The following ZNF518A variants were observed in gnomAD, a reference collection of about 807,000 sequenced individuals.
ZNF518A encodes the protein zinc finger protein 518.
ZNF518A carries 47 observed loss-of-function variants against 102.7 expected under a neutral mutation model. That is an observed-to-expected ratio of 0.46 (90% confidence interval 0.36 to 0.58). The LOEUF (loss-of-function observed/expected upper bound fraction) is 0.58. Ranked by LOEUF, ZNF518A falls within the 20% of genes least tolerant of loss-of-function variation. The pLI is 0.00. For missense variants in ZNF518A, 1,793 were observed against 1,699.8 expected (o/e 1.05, Z -0.96); for synonymous variants, 652 against 594.6 (o/e 1.10, Z -1.40).
At chr10:96,151,370 T>A (rs2082442382) in intron 3 of ZNF518A, 1 of 152,258 alleles carries the variant, frequency 6.6e-6, no homozygotes, top group Non-Finnish European at 1.5e-5. Flanking sequence ...GTAGGAAGAT[T>A]CGTCTTTGTT....
intron 1 of ZNF518A, chr10:96,199,372 T>A: frequency 3.6e-6 from 1 of 280,794 alleles, no homozygotes; most frequent in Admixed American, 3.8e-5. Flanking sequence ...TTTGTTTGTT[T>A]GTTTGCCATC....
chr10:96,190,012 C>A, intron 1 of ZNF518A: 1 of 809,140 alleles, frequency 1.2e-6, no homozygotes, highest in South Asian at 1.3e-5. Flanking sequence ...TTTAATTGGA[C>A]TGCCTTCATA....
chr10:96,164,983 A>C (rs1554889811), downstream of ZNF518A, among the ~76,000 whole-genome samples: 1 of 152,226 alleles, frequency 6.6e-6, no homozygotes, highest in Non-Finnish European at 1.5e-5. Context: ...AAGCAAAATG[A>C]AAGTTAAATT....
At position 96,158,925 on chromosome 10, in the gene ZNF518A, T is replaced by A. The variant is rs377737816; in HGVS notation, c.2603T>A (p.Ile868Lys). ...KFGKEKQVSS[I>K]PQDVRDSEKM... is the part of the protein sequence containing the mutation. ...GGAAAAGAAAAACAAGTGTCATCAA[T>A]ACCACAAGATGTGAGAGATTCAGAG... The change falls in exon 6 of 6, where the codon ATA (isoleucine) becomes AAA (lysine). Residue 868 changes from isoleucine to lysine, a missense_variant. Ile to Lys is a moderately radical substitution (Grantham distance 102). Transcript: ENST00000316045. The A allele has an allele frequency of 1.9e-6, 3 of 1,613,558 alleles. No homozygotes were observed. The highest frequency in any genetic ancestry group is 2.5e-6 in the Non-Finnish European group (3 of 1,179,722).
chr10:96,151,041 G>C (rs1269731420), intron 3 of ZNF518A, among the ~76,000 whole-genome samples: 1 of 151,982 alleles, frequency 6.6e-6, no homozygotes, highest in African/African-American at 2.4e-5. Flanking sequence ...GTGTGAGCCA[G>C]CACTCCCAGC....
chr10:96,168,465 G>A (rs1358886670), downstream of ZNF518A, among the ~76,000 whole-genome samples: 2 of 148,250 alleles, frequency 1.3e-5, no homozygotes, highest in Admixed American at 6.7e-5. Context: ...ATGTGAGTTC[G>A]AGTTACTGTC....
chr10:96,188,697 T>C (rs2083286995), intron 1 of ZNF518A, among the ~76,000 whole-genome samples: 1 of 152,168 alleles, frequency 6.6e-6, no homozygotes, highest in African/African-American at 2.4e-5. Flanking sequence ...TCAATGGTTT[T>C]CCTAAAAGGA....
chr10:96,175,636 G>T (rs148038321), intron 1 of ZNF518A, among the ~76,000 whole-genome samples: 16 of 152,236 alleles, frequency 1.1e-4, no homozygotes, highest in African/African-American at 3.6e-4. Flanking sequence ...GTTATAGAGA[G>T]TCTCAGATTG....
In ZNF518A at chr10:96,157,934, A is replaced by G. The variant is rs1261147206; in HGVS notation, c.1612A>G (p.Asn538Asp). ...EKEMTLISQR[N>D]NMLQTMDYEK... ...AGAAATGACTTTGATATCTCAAAGG[A>G]ATAATATGCTTCAAACAATGGATTA... Residue 538 changes from asparagine to aspartate, a missense_variant, in exon 6 of 6, where the codon AAT becomes GAT. Physicochemically the swap from Asn to Asp is conservative, Grantham distance 23. This residue lies in a region of ZNF518A where 1,741 missense variants were observed against 1,622.6 expected (regional missense o/e 1.07). Transcript: ENST00000316045. 7 of 1,613,734 alleles carry G rather than the reference A, an allele frequency of 4.3e-6. No homozygotes were observed. Among genetic ancestry groups the G allele is most frequent in the Admixed American group, 1.7e-5 (1 of 60,004 alleles).
intron 1 of ZNF518A, among the ~76,000 whole-genome samples, chr10:96,180,866 G>GGGA (rs1223820827): frequency 6.6e-6 from 1 of 152,150 alleles, no homozygotes; most frequent in African/African-American, 2.4e-5. Flanking sequence ...ACCCAGTAAT[G>GGGA]TGATGGCTGG....
chr10:96,177,116 G>A (rs993049039), intron 1 of ZNF518A, among the ~76,000 whole-genome samples: 1 of 150,484 alleles, frequency 6.6e-6, no homozygotes. Context: ...CTGAAAGCAA[G>A]TTATAAAAAA....
chr10:96,184,536 G>T (rs1169393275), intron 1 of ZNF518A, among the ~76,000 whole-genome samples: 9 of 152,126 alleles, frequency 5.9e-5, no homozygotes, highest in African/African-American at 1.9e-4. Context: ...GTCTGTAAAG[G>T]ATTTTATTTC....
At chr10:96,149,273 C>T (rs1378399513) in intron 3 of ZNF518A, among the ~76,000 whole-genome samples, 1 of 152,144 alleles carries the variant, frequency 6.6e-6, no homozygotes, top group Non-Finnish European at 1.5e-5. Flanking sequence ...AGGAGCATTG[C>T]TGTCGCCTAG....
downstream of ZNF518A, chr10:96,204,439 C>A: frequency 2.9e-6 from 4 of 1,380,954 alleles, no homozygotes; most frequent in Non-Finnish European, 3.1e-6. Flanking sequence ...TTACCTAGCA[C>A]TGCAAGTCAG....
At position 96,159,358 on chromosome 10, in the gene ZNF518A, T is replaced by G; in HGVS notation, c.3036T>G (p.Pro1012=). ...TGACTAAGGAGCCTTGCAAAACACC[T>G]ATTTTGAAGGTAGAACCAAACAATA... The part of the protein sequence containing the change: ...GTVTKEPCKT[P]ILKVEPNNNC... Residue 1012 remains proline, a synonymous_variant, in exon 6 of 6, where the codon CCT becomes CCG. Transcript: ENST00000316045. 6.2e-7 allele frequency: 1 copy of G among 1,613,798 alleles called. No individual in the cohort carries two copies. The highest frequency in any genetic ancestry group is 8.5e-7 in the Non-Finnish European group (1 of 1,179,760).
intron 1 of ZNF518A, among the ~76,000 whole-genome samples, chr10:96,187,602 C>A (rs1449612623): frequency 1.3e-5 from 2 of 152,216 alleles, no homozygotes; most frequent in African/African-American, 4.8e-5. Flanking sequence ...ACAGGCGTAG[C>A]TTTTTCATGT....
chr10:96,135,469 C>T (rs1264223602), intron 3 of ZNF518A, among the ~76,000 whole-genome samples: 2 of 152,218 alleles, frequency 1.3e-5, no homozygotes, highest in African/African-American at 4.8e-5. Context: ...TCACATCCTT[C>T]TGTAGTTCCC....
intron 1 of ZNF518A, among the ~76,000 whole-genome samples, chr10:96,168,841 A>G (rs1483304121): frequency 6.6e-6 from 1 of 152,172 alleles, no homozygotes; most frequent in Non-Finnish European, 1.5e-5. Flanking sequence ...CAGTATGCAT[A>G]TTTTTGAGTT....
downstream of ZNF518A, among the ~76,000 whole-genome samples, chr10:96,167,066 GAAAC>G (rs1364299499): frequency 8.5e-5 from 13 of 152,208 alleles, no homozygotes; most frequent in African/African-American, 2.7e-4. Flanking sequence ...GATATGCAAA[GAAAC>G]AGAAAAGTAT....
Sources: allele counts gnomAD v4.1 joint callset (sites outside exome capture counted in the v4.1 genomes callset), GRCh38; gene constraint gnomAD v4.1.1; regional missense constraint gnomAD v4.1.1; transcripts MANE v1.5; gene names NCBI Gene and HGNC (gene_info 2026-07-23, HGNC 2026-07-21).